The following INSYN2A variants were observed in gnomAD, a reference collection of about 807,000 sequenced individuals.
The protein encoded by INSYN2A is family with sequence similarity 196 member A.
A neutral mutation model predicts 39.4 loss-of-function variants in INSYN2A; 17 were observed. The ratio of observed to expected loss-of-function variants is 0.43; its 90% confidence interval spans 0.30 to 0.65. The LOEUF (loss-of-function observed/expected upper bound fraction) is 0.65, where lower values mean the gene tolerates loss of function less well. Ranked by LOEUF, INSYN2A falls within the 30% of genes least tolerant of loss-of-function variation. The probability of loss-of-function intolerance (pLI) is 0.14; values close to 1 mark genes in which losing one functional copy is unlikely to be tolerated. For synonymous variants in INSYN2A, 255 were observed against 265.7 expected (o/e 0.96, Z 0.39); for missense variants, 595 against 631.2 (o/e 0.94, Z 0.61).
intron 4 of INSYN2A, among the ~76,000 whole-genome samples, chr10:127,171,916 A>G (rs2054609327): frequency 6.6e-6 from 1 of 151,990 alleles, no homozygotes; most frequent in Admixed American, 6.6e-5. Flanking sequence ...TGTTGGCCAG[A>G]CTGGTCTCAA....
intron 4 of INSYN2A, among the ~76,000 whole-genome samples, chr10:127,171,033 C>T (rs1252750828): frequency 3.3e-5 from 5 of 152,186 alleles, no homozygotes; most frequent in African/African-American, 1.2e-4. Context: ...GTCCTTTATT[C>T]AGCGCCAACT....
intron 2 of INSYN2A, among the ~76,000 whole-genome samples, chr10:127,188,795 G>T (rs969670978): frequency 6.6e-6 from 1 of 152,222 alleles, no homozygotes; most frequent in African/African-American, 2.4e-5. Context: ...TCTGTGCTTT[G>T]TGTATGTCTG....
At chr10:127,181,550 C>T (rs2055736813) in intron 2 of INSYN2A, among the ~76,000 whole-genome samples, 1 of 152,184 alleles carries the variant, frequency 6.6e-6, no homozygotes, top group Non-Finnish European at 1.5e-5. Flanking sequence ...AGGAGTGCCA[C>T]AAGGGATTGT....
chr10:127,164,695 A>C (rs1273121762), intron 4 of INSYN2A, among the ~76,000 whole-genome samples: 4 of 152,212 alleles, frequency 2.6e-5, no homozygotes, highest in Middle Eastern at 3.2e-3. Flanking sequence ...TTTTAGCTTT[A>C]GTGCCTTTTA....
intron 4 of INSYN2A, among the ~76,000 whole-genome samples, chr10:127,171,424 C>T (rs2054559629): frequency 6.6e-6 from 1 of 152,206 alleles, no homozygotes; most frequent in African/African-American, 2.4e-5. Flanking sequence ...ATACTGGCTT[C>T]CCAAGGAGCA....
intron 4 of INSYN2A, among the ~76,000 whole-genome samples, chr10:127,173,011 C>T (rs1395861266): frequency 6.6e-6 from 1 of 152,180 alleles, no homozygotes; most frequent in Non-Finnish European, 1.5e-5. Flanking sequence ...TTGGATAGAG[C>T]AGCTCCAGAG....
chr10:127,175,824 T>C lies in INSYN2A; in HGVS notation c.572A>G (p.Asn191Ser). The C allele has an allele frequency of 6.2e-7, 1 of 1,614,098 alleles. No homozygotes were observed. The highest frequency in any genetic ancestry group is 1.1e-5 in the South Asian group (1 of 91,074). The change falls in exon 4 of 6, where the codon AAC (asparagine) becomes AGC (serine). Residue 191 changes from asparagine (N) to serine (S), a missense_variant. Asn to Ser is a conservative substitution (Grantham distance 46, BLOSUM62 1). Around this residue, in one of 2 missense-constraint regions of INSYN2A, gnomAD observed 478 missense variants for 467.4 expected, o/e 1.02. Transcript: ENST00000522781. The surrounding 1 kb of genome is among the most constrained non-coding windows in gnomAD (Gnocchi z 6.3). ...MNTVDQPLGVNCTEPCKSPEP... is the reference protein window; with the variant it reads ...MNTVDQPLGVSCTEPCKSPEP... ...CGGGCTTTTACAGGGCTCTGTGCAG[T>C]TGACCCCCAAAGGCTGGTCCACTGT...
intron 5 of INSYN2A, among the ~76,000 whole-genome samples, chr10:127,141,422 G>T (rs1209921815): frequency 6.6e-6 from 1 of 152,104 alleles, no homozygotes; most frequent in African/African-American, 2.4e-5. Flanking sequence ...GCAAATTCTG[G>T]CCAGGCACGG....
intron 4 of INSYN2A, among the ~76,000 whole-genome samples, chr10:127,160,046 G>A (rs539623006): frequency 1.3e-5 from 2 of 152,042 alleles, no homozygotes; most frequent in Non-Finnish European, 2.9e-5. Context: ...TAGTGTCTCC[G>A]AGACCTTGAA....
chr10:127,170,622 A>G (rs943596410), intron 4 of INSYN2A, among the ~76,000 whole-genome samples: 16 of 134,068 alleles, frequency 1.2e-4, no homozygotes, highest in African/African-American at 3.9e-4. Flanking sequence ...AGTTTACCCA[A>G]TGAGCCACCA....
intron 2 of INSYN2A, among the ~76,000 whole-genome samples, chr10:127,188,750 C>T (rs1554911220): frequency 1.3e-5 from 2 of 152,202 alleles, no homozygotes; most frequent in South Asian, 2.1e-4. Flanking sequence ...AAAGGTAACA[C>T]TTGTGTATAA....
intron 2 of INSYN2A, among the ~76,000 whole-genome samples, chr10:127,186,162 A>AG (rs2056213914): frequency 6.6e-6 from 1 of 152,184 alleles, no homozygotes; most frequent in Non-Finnish European, 1.5e-5. Context: ...CCAGGGTTCT[A>AG]GTGACTTCCA....
chr10:127,184,111 A>G (rs1382000559), intron 2 of INSYN2A, among the ~76,000 whole-genome samples: 4 of 152,142 alleles, frequency 2.6e-5, no homozygotes, highest in Non-Finnish European at 2.9e-5. Context: ...CTGAGACCCA[A>G]GGGTGGCCTG....
Position 127,145,608 on chromosome 10 carries a change from G to A in INSYN2A, c.1257-7588C>T, listed in dbSNP as rs192590185. ...CCCTGAGTGGGATCCCATGACCCAG[G>A]GCCATCACCTTGCCTGCCTGTCTCC... On this transcript the variant is annotated intron_variant, in intron 5 of 5. Transcript: ENST00000522781. Among the ~76,000 whole-genome samples, 5 of 152,242 alleles carry A rather than the reference G, an allele frequency of 3.3e-5. No individual in the cohort carries two copies. The East Asian group carries it at 5.8e-4, about 18-fold the overall frequency.
At chr10:127,195,523 T>TCCCC (rs144810960) in intron 1 of INSYN2A, among the ~76,000 whole-genome samples, 43 of 148,266 alleles carry the variant, frequency 2.9e-4, no homozygotes, top group Middle Eastern at 3.4e-3. Context: ...TTCCAACTCA[T>TCCCC]CCCCCCCCCG....
rs372333699 is a variant in INSYN2A, at chr10:127,145,665, C to T, written c.1257-7645G>A. 1.3e-4 allele frequency among the ~76,000 whole-genome samples: 20 copies of T among 152,286 alleles called. No homozygotes were observed. In the East Asian group the frequency reaches 3.9e-3, roughly 30 times the overall value. On this transcript the variant is annotated intron_variant, in intron 5 of 5. Transcript: ENST00000522781. ...AGATGGGAGTGCGTCTGTCTAGAGA[C>T]ATGGGTGACGTCCCGGGCTCCCAGT...
chr10:127,193,797 C>T (rs1372986326), intron 1 of INSYN2A, among the ~76,000 whole-genome samples: 2 of 152,178 alleles, frequency 1.3e-5, no homozygotes, highest in Non-Finnish European at 2.9e-5. Flanking sequence ...AATTCCCTTT[C>T]CTGCCACAGG....
At chr10:127,195,033 A>G (rs1179614813) in intron 1 of INSYN2A, among the ~76,000 whole-genome samples, 3 of 152,064 alleles carry the variant, frequency 2.0e-5, no homozygotes, top group East Asian at 3.9e-4. Context: ...TTTCTCTCCT[A>G]TTTACTCCAG....
chr10:127,165,357 G>A (rs940091862), intron 4 of INSYN2A, among the ~76,000 whole-genome samples: 1 of 152,142 alleles, frequency 6.6e-6, no homozygotes, highest in Admixed American at 6.5e-5. Context: ...AGCTCTTGTT[G>A]CCAAAGACTA....
Sources: allele counts gnomAD v4.1 joint callset (sites outside exome capture counted in the v4.1 genomes callset), GRCh38; gene constraint gnomAD v4.1.1; regional missense constraint gnomAD v4.1.1; non-coding constraint Gnocchi (gnomAD v3.1); transcripts MANE v1.5; gene names NCBI Gene and HGNC (gene_info 2026-07-23, HGNC 2026-07-21).